Variants in MAP3K7 observed in about 807,000 individuals in gnomAD.
The protein encoded by MAP3K7 is mitogen-activated protein kinase kinase kinase 7, also known as TGF-beta activated kinase 1.
A neutral mutation model predicts 84.8 loss-of-function variants in MAP3K7; 21 were observed. The ratio of observed to expected loss-of-function variants is 0.25; its 90% CI spans 0.18 to 0.36. The LOEUF (loss-of-function observed/expected upper bound fraction) is 0.36, where lower values mean the gene tolerates loss of function less well. MAP3K7 is among the 10% of genes least tolerant of loss of function. MAP3K7 has a pLI of 1.00. For missense variants in MAP3K7, 503 were observed against 747.7 expected, an observed-to-expected ratio of 0.67 and a Z score of 3.82; for synonymous variants, 241 against 247.7, an observed-to-expected ratio of 0.97 and a Z score of 0.25.
chr6:90,547,439 A>C (rs1434180519), intron 10 of MAP3K7, 52 bp from the exon 11 acceptor site: 1 of 1,588,446 alleles, frequency 6.3e-7, no homozygotes, highest in South Asian at 1.1e-5. Flanking sequence ...AGATTTAGCA[A>C]TCTTAGGCAA....
At chr6:90,555,324 C>T (rs1023389625) in intron 6 of MAP3K7, among the ~76,000 whole-genome samples, 42 of 151,868 alleles carry the variant, frequency 2.8e-4, no homozygotes, top group African/African-American at 9.4e-4. Context: ...GGCACGATCT[C>T]GGCTCACTGC....
chr6:90,563,130 G>C (rs912121223), intron 3 of MAP3K7, among the ~76,000 whole-genome samples: 9 of 152,216 alleles, frequency 5.9e-5, no homozygotes, highest in African/African-American at 2.2e-4. Context: ...GGAGAAACCA[G>C]AGCAGAAAAG....
intron 12 of MAP3K7, 200 bp from the exon 13 acceptor site, chr6:90,536,601 T>C (rs887750736): frequency 1.3e-5 from 7 of 539,220 alleles, no homozygotes; most frequent in Non-Finnish European, 2.3e-5. Flanking sequence ...ACAGCTGCGG[T>C]GTTTTAACTC....
At chr6:90,557,232 G>A (rs1159191399) in intron 5 of MAP3K7, among the ~76,000 whole-genome samples, 2 of 152,070 alleles carry the variant, frequency 1.3e-5, no homozygotes, top group African/African-American at 4.8e-5. Flanking sequence ...ACTTTCCTAG[G>A]TGTACTATTA....
rs536254460 is a variant in MAP3K7, at chr6:90,567,287, T to A, written c.297+1271A>T. Among the ~76,000 whole-genome samples the A allele has an allele frequency of 1.7e-3, 262 of 152,166 alleles. 1 individual carries two copies. Among genetic ancestry groups the A allele is most frequent in the Non-Finnish European group, 3.1e-3 (210 of 67,998 alleles). On this transcript the variant is annotated intron_variant, in intron 3 of 16. Coordinates refer to ENST00000369329, the MANE Select transcript of MAP3K7 (RefSeq NM_145331.3). ...CAGAGTGAACACGCAACCTACAGAA[T>A]GGGAGAAAATTTTTGCAATCTACGC...
chr6:90,535,388 C>T (rs1775636554), intron 13 of MAP3K7, among the ~76,000 whole-genome samples: 1 of 151,590 alleles, frequency 6.6e-6, no homozygotes, highest in Non-Finnish European at 1.5e-5. Context: ...TAAAATTTTA[C>T]AAAAATATGG....
chr6:90,553,561 G>A lies in MAP3K7; in HGVS notation c.633C>T (p.Asp211=), dbSNP rs768700203. The A allele has an allele frequency of 7.4e-6, 12 of 1,611,886 alleles. No homozygotes were observed. Among genetic ancestry groups the A allele is most frequent in the Admixed American group, 1.7e-5 (1 of 59,722 alleles). Residue 211 remains aspartate (D), a synonymous_variant, in exon 7 of 17, where the codon GAC becomes GAT. Coordinates refer to ENST00000369329, the MANE Select transcript of MAP3K7 (RefSeq NM_145331.3). ...AAAGAATAATACCCCAGCTGAAGAC[G>A]TCACATTTTTCACTGTAATTACTAC... ...FEGSNYSEKC[D]VFSWGIILWE...
chr6:90,548,219 A>G (rs751651138), intron 9 of MAP3K7, 42 bp from the exon 10 acceptor site: 3 of 1,557,272 alleles, frequency 1.9e-6, no homozygotes, highest in Non-Finnish European at 2.6e-6. Flanking sequence ...GCTGGAAATA[A>G]TACAAATGCT....
At chr6:90,555,861 A>T (rs1329473079) in intron 6 of MAP3K7, among the ~76,000 whole-genome samples, 1 of 152,214 alleles carries the variant, frequency 6.6e-6, no homozygotes, top group African/African-American at 2.4e-5. Context: ...CATTGAACTC[A>T]TAGTCAACAT....
intron 12 of MAP3K7, among the ~76,000 whole-genome samples, chr6:90,543,628 T>C (rs748505378): frequency 3.3e-5 from 5 of 151,998 alleles, no homozygotes; most frequent in Admixed American, 6.6e-5. Flanking sequence ...TTATCAACAC[T>C]GCTAAAAACA....
chr6:90,581,307 T>C (rs940868044), intron 1 of MAP3K7, among the ~76,000 whole-genome samples: 2 of 152,132 alleles, frequency 1.3e-5, no homozygotes, highest in Admixed American at 6.5e-5. Context: ...CAGCTGTCAG[T>C]TTCATTTGGC....
At chr6:90,545,001 C>T (rs929912536) in intron 11 of MAP3K7, among the ~76,000 whole-genome samples, 2 of 151,862 alleles carry the variant, frequency 1.3e-5, no homozygotes, top group African/African-American at 4.8e-5. Flanking sequence ...GGAAGAAAGG[C>T]GTTAAAAAGT....
intron 5 of MAP3K7, among the ~76,000 whole-genome samples, chr6:90,559,708 G>A (rs1776446454): frequency 6.6e-6 from 1 of 152,238 alleles, no homozygotes; most frequent in Middle Eastern, 3.4e-3. Flanking sequence ...ATGTTTATGT[G>A]CTAGGTGTTA....
chr6:90,521,758 C>T (rs1775158651), intron 14 of MAP3K7, among the ~76,000 whole-genome samples: 1 of 152,060 alleles, frequency 6.6e-6, no homozygotes, highest in Non-Finnish European at 1.5e-5. Flanking sequence ...AGATCTCTCT[C>T]TCACTAGATC....
chr6:90,541,079 T>C (rs1382716588), intron 12 of MAP3K7, among the ~76,000 whole-genome samples: 1 of 151,904 alleles, frequency 6.6e-6, no homozygotes, highest in Admixed American at 6.6e-5. Context: ...TGATCTGTGT[T>C]CTTACTGCCC....
At chr6:90,568,241 A>G (rs1394369781) in intron 3 of MAP3K7, among the ~76,000 whole-genome samples, 2 of 152,146 alleles carry the variant, frequency 1.3e-5, no homozygotes, top group Non-Finnish European at 1.5e-5. Context: ...ACAAGTAAGT[A>G]ACTCAATAAA....
intron 12 of MAP3K7, 142 bp from the exon 13 acceptor site, chr6:90,536,543 GCT>G: frequency 1.7e-6 from 1 of 588,470 alleles, no homozygotes; most frequent in African/African-American, 1.9e-5. Context: ...TGAGTTTATT[GCT>G]AAGAAAAAAA....
At chr6:90,570,458 G>A (rs1481296512) in intron 2 of MAP3K7, among the ~76,000 whole-genome samples, 3 of 152,114 alleles carry the variant, frequency 2.0e-5, no homozygotes, top group Non-Finnish European at 4.4e-5. Flanking sequence ...ACTTCAAACA[G>A]CTCAATGACT....
chr6:90,577,386 G>GT (rs752919796), intron 1 of MAP3K7, among the ~76,000 whole-genome samples: 14 of 152,334 alleles, frequency 9.2e-5, no homozygotes, highest in Admixed American at 3.3e-4. Flanking sequence ...AGGTAGAAAC[G>GT]TGAGTGAGAG....
Sources: gnomAD v4.1 joint callset for allele counts (sites outside exome capture counted in the v4.1 genomes callset) on GRCh38, gnomAD v4.1.1 for gene constraint, MANE v1.5 for transcripts, NCBI Gene and HGNC (gene_info 2026-07-23, HGNC 2026-07-21) for gene names.